SH3GL2: variants seen among roughly 807,000 people sequenced by gnomAD.
SH3GL2 encodes the protein SH3 domain containing GRB2 like 2, endophilin A1, also known as endophilin-A1.
SH3GL2 carries 24 observed loss-of-function variants against 46.0 expected under a neutral mutation model. The observed-to-expected ratio is 0.52, with a 90% CI of 0.38 to 0.73. The LOEUF is 0.73. SH3GL2 is among the 30% of genes least tolerant of loss of function. The pLI, the probability that SH3GL2 is intolerant of heterozygous loss-of-function variation, is 0.00. For missense variants in SH3GL2, 413 were observed against 424.2 expected, an observed-to-expected ratio of 0.97 and a Z score of 0.23; for synonymous variants, 196 against 147.1, an observed-to-expected ratio of 1.33 and a Z score of -2.40.
chr9:17,781,745 C>T (rs1436679542), intron 3 of SH3GL2, among the ~76,000 whole-genome samples: 1 of 152,108 alleles, frequency 6.6e-6, no homozygotes, highest in East Asian at 1.9e-4. Context: ...ATACTTTACT[C>T]AGATTCTCCA....
intron 1 of SH3GL2, among the ~76,000 whole-genome samples, chr9:17,610,965 T>C (rs1405021679): frequency 6.6e-6 from 1 of 152,168 alleles, no homozygotes; most frequent in Non-Finnish European, 1.5e-5. Flanking sequence ...AAGATGTGAG[T>C]GCCAAAGTGT....
chr9:17,679,589 C>T (rs1179841242), intron 1 of SH3GL2, among the ~76,000 whole-genome samples: 1 of 152,174 alleles, frequency 6.6e-6, no homozygotes. Context: ...GACAATTTGA[C>T]TTCCTCTTTT....
chr9:17,699,134 A>T (rs951154240), intron 1 of SH3GL2, among the ~76,000 whole-genome samples: 1 of 135,062 alleles, frequency 7.4e-6, no homozygotes, highest in African/African-American at 2.9e-5. Context: ...CAGCTAGGTG[A>T]CAGAGTGAGA....
At chr9:17,658,034 G>A (rs778487548) in intron 1 of SH3GL2, among the ~76,000 whole-genome samples, 1 of 152,176 alleles carries the variant, frequency 6.6e-6, no homozygotes, top group Non-Finnish European at 1.5e-5. Context: ...ATCCACTGCA[G>A]ATAGGAACTT....
intron 1 of SH3GL2, among the ~76,000 whole-genome samples, chr9:17,609,632 C>T (rs1164224670): frequency 6.6e-6 from 1 of 152,184 alleles, no homozygotes; most frequent in African/African-American, 2.4e-5. Flanking sequence ...CTTTACATCA[C>T]ATCAGGTTTG....
chr9:17,771,641 C>T (rs893688942), intron 3 of SH3GL2, among the ~76,000 whole-genome samples: 1 of 152,206 alleles, frequency 6.6e-6, no homozygotes, highest in Non-Finnish European at 1.5e-5. Flanking sequence ...GCCTGCTTTG[C>T]CAGGGCACTC....
chr9:17,740,959 C>T (rs953221403), intron 1 of SH3GL2, among the ~76,000 whole-genome samples: 6 of 152,036 alleles, frequency 3.9e-5, no homozygotes, highest in African/African-American at 1.4e-4. Flanking sequence ...ATTTCCAAGA[C>T]TGGAATTCAT....
At chr9:17,776,739 T>C (rs1036092752) in intron 3 of SH3GL2, among the ~76,000 whole-genome samples, 7 of 150,804 alleles carry the variant, frequency 4.6e-5, no homozygotes, top group African/African-American at 9.8e-5. Context: ...TGAAGTGCAA[T>C]AAAACTTGCC....
intron 3 of SH3GL2, among the ~76,000 whole-genome samples, chr9:17,772,390 C>T (rs796706359): frequency 6.6e-6 from 1 of 152,146 alleles, no homozygotes; most frequent in Non-Finnish European, 1.5e-5. Context: ...ATACATTTCA[C>T]TGGTATTAAA....
At chr9:17,662,716 T>G (rs1214737571) in intron 1 of SH3GL2, among the ~76,000 whole-genome samples, 1 of 147,238 alleles carries the variant, frequency 6.8e-6, no homozygotes, top group Non-Finnish European at 1.5e-5. Context: ...TTTTTTTTTT[T>G]TTTTTTTTTT....
intron 3 of SH3GL2, among the ~76,000 whole-genome samples, chr9:17,767,511 A>G (rs1285824268): frequency 6.6e-6 from 1 of 152,224 alleles, no homozygotes. Context: ...CATGTAGACA[A>G]ATCCTTGGTC....
chr9:17,669,695 C>A (rs1820426249), intron 1 of SH3GL2, among the ~76,000 whole-genome samples: 1 of 152,108 alleles, frequency 6.6e-6, no homozygotes, highest in East Asian at 1.9e-4. Context: ...GGTTTATACT[C>A]ATAAATAAAG....
intron 1 of SH3GL2, among the ~76,000 whole-genome samples, chr9:17,691,022 GA>G (rs1477926917): frequency 6.6e-6 from 1 of 152,142 alleles, no homozygotes; most frequent in Non-Finnish European, 1.5e-5. Flanking sequence ...TTCCAGTGGA[GA>G]AAAGGGCATG....
chr9:17,680,503 A>G (rs1313180071), intron 1 of SH3GL2, among the ~76,000 whole-genome samples: 2 of 151,882 alleles, frequency 1.3e-5, no homozygotes, highest in African/African-American at 4.8e-5. Flanking sequence ...TATTGCGTCT[A>G]TTTGATTCTT....
At chr9:17,645,022 C>G (rs202081381) in intron 1 of SH3GL2, among the ~76,000 whole-genome samples, 1 of 151,772 alleles carries the variant, frequency 6.6e-6, no homozygotes, top group East Asian at 1.9e-4. Flanking sequence ...TTGGGTGCAT[C>G]TATATTTAGG....
intron 3 of SH3GL2, among the ~76,000 whole-genome samples, chr9:17,766,422 ATT>A (rs1391497592): frequency 3.9e-5 from 6 of 152,356 alleles, no homozygotes; most frequent in Non-Finnish European, 8.8e-5. Context: ...TTCTTACGAT[ATT>A]TGTGAGCAAA....
intron 1 of SH3GL2, among the ~76,000 whole-genome samples, chr9:17,605,899 T>C (rs954713912): frequency 2.0e-5 from 3 of 152,098 alleles, no homozygotes; most frequent in Non-Finnish European, 4.4e-5. Context: ...TATTCACCTG[T>C]ATGGGGCCCA....
intron 8 of SH3GL2, among the ~76,000 whole-genome samples, chr9:17,794,764 G>A (rs1201548801): frequency 1.3e-5 from 2 of 152,064 alleles, no homozygotes; most frequent in Admixed American, 6.5e-5. Flanking sequence ...ACTCAAGGTG[G>A]AGTACATTAT....
intron 1 of SH3GL2, among the ~76,000 whole-genome samples, chr9:17,696,594 C>T (rs942666166): frequency 3.9e-5 from 6 of 152,004 alleles, no homozygotes; most frequent in African/African-American, 7.3e-5. Flanking sequence ...GGAGAAGTGC[C>T]GAGCAAAGGG....
Sources: gnomAD v4.1 joint callset for allele counts (sites outside exome capture counted in the v4.1 genomes callset) on GRCh38, gnomAD v4.1.1 for gene constraint, MANE v1.5 for transcripts, NCBI Gene and HGNC (gene_info 2026-07-23, HGNC 2026-07-21) for gene names.